CRMP1: variants seen among roughly 807,000 people sequenced by gnomAD.
CRMP1 encodes dihydropyrimidinase-related protein 1.
A neutral mutation model predicts 68.3 loss-of-function variants in CRMP1; 19 were observed. The ratio of observed to expected loss-of-function variants is 0.28; its 90% CI spans 0.19 to 0.41. The LOEUF is 0.41. Ranked by LOEUF, CRMP1 falls within the 10% of genes least tolerant of loss-of-function variation. CRMP1 has a pLI of 1.00. For missense variants in CRMP1, 791 were observed against 967.4 expected (o/e 0.82, Z 2.42); for synonymous variants, 439 against 399.6 (o/e 1.10, Z -1.18).
chr4:5,823,475 G>C (rs1719023625), intron 13 of CRMP1, among the ~76,000 whole-genome samples: 1 of 152,136 alleles, frequency 6.6e-6, no homozygotes, highest in Non-Finnish European at 1.5e-5. Flanking sequence ...TTGGACTTTT[G>C]TCCCCCAAAA....
At position 5,859,622 on chromosome 4, in the gene CRMP1, G is replaced by C. The variant is rs937750978; in HGVS notation, c.655+1404C>G. On this transcript the variant is annotated intron_variant, in intron 3 of 13. Transcript: ENST00000324989. The surrounding 1 kb of genome is among the most constrained non-coding windows in gnomAD (Gnocchi z 5.2). ...GCTGGCCACAGTCATGCAGTTGCCT[G>C]CTGAGTGCCAGTGCTCAGGTTCAAA... Among the ~76,000 whole-genome samples, 2 of 152,224 alleles carry C rather than the reference G, an allele frequency of 1.3e-5. No individual in the cohort carries two copies. Among genetic ancestry groups the C allele is most frequent in the African/African-American group, 4.8e-5 (2 of 41,468 alleles).
chr4:5,832,335 GA>G (rs1465160053), intron 11 of CRMP1, among the ~76,000 whole-genome samples: 1 of 152,138 alleles, frequency 6.6e-6, no homozygotes, highest in Non-Finnish European at 1.5e-5. Context: ...ATCTCGATAA[GA>G]AACTTAAAAA....
intron 1 of CRMP1, among the ~76,000 whole-genome samples, chr4:5,873,218 C>T (rs563672664): frequency 6.6e-6 from 1 of 152,306 alleles, no homozygotes; most frequent in South Asian, 2.1e-4. Flanking sequence ...AGCATGGAGG[C>T]AGCCTCCACA....
In CRMP1 at chr4:5,824,231, G is replaced by C. The variant is rs544107730; in HGVS notation, c.1969+1263C>G. The C allele has an allele frequency of 5.3e-6, 5 of 937,524 alleles. No individual in the cohort carries two copies. In the African/African-American group the frequency reaches 8.9e-5, roughly 17 times the overall value. The allele number at this position is 937,524 out of a possible 1,614,324, so 58.1% of individuals were successfully genotyped here. ...GAGAGCTTGTGTCTTGTTGCACCCAGATAGCTTTTTCCCAGGATGAAGCCA... is the reference window on the plus strand; with the variant it reads ...GAGAGCTTGTGTCTTGTTGCACCCACATAGCTTTTTCCCAGGATGAAGCCA... On this transcript the variant is annotated intron_variant, in intron 13 of 13. Coordinates refer to ENST00000324989, the MANE Select transcript of CRMP1 (RefSeq NM_001014809.3).
Position 5,842,810 on chromosome 4 carries a change from A to T in CRMP1, c.1032+283T>A, listed in dbSNP as rs111375856. 6.6e-6 allele frequency among the ~76,000 whole-genome samples: 1 copy of T among 152,012 alleles called. No individual in the cohort carries two copies. Among genetic ancestry groups the T allele is most frequent in the African/African-American group, 2.4e-5 (1 of 41,396 alleles). ...ATGCGGCTCCACTTTCCTATTATCCACTATGCCATGTCCTCCATGAGAATC... is the reference window on the plus strand; with the variant it reads ...ATGCGGCTCCACTTTCCTATTATCCTCTATGCCATGTCCTCCATGAGAATC... On this transcript the variant is annotated intron_variant, in intron 7 of 13. Transcript: ENST00000324989. This position sits in a 1 kb window ranked among gnomAD's most constrained non-coding sequence, Gnocchi z 4.5.
At position 5,850,693 on chromosome 4, in the gene CRMP1, C is replaced by G. The variant is rs1344221488; in HGVS notation, c.882+715G>C. ...CACAGAGAAGTTGGGAAAGCTGCCCCTGGCTGCAGAGCAAGCACCTGGCTT... is the reference window on the plus strand; with the variant it reads ...CACAGAGAAGTTGGGAAAGCTGCCCGTGGCTGCAGAGCAAGCACCTGGCTT... On this transcript the variant is annotated intron_variant, in intron 5 of 13. Transcript: ENST00000324989. This position sits in a 1 kb window ranked among gnomAD's most constrained non-coding sequence, Gnocchi z 4.4. Among the ~76,000 whole-genome samples, 1 of 152,198 alleles carries G rather than the reference C, an allele frequency of 6.6e-6. No homozygotes were observed. The highest frequency in any genetic ancestry group is 1.5e-5 in the Non-Finnish European group (1 of 68,036).
intron 11 of CRMP1, among the ~76,000 whole-genome samples, chr4:5,829,297 G>A (rs1168261478): frequency 1.3e-5 from 2 of 152,172 alleles, no homozygotes; most frequent in African/African-American, 4.8e-5. Flanking sequence ...GCTGAGGTAT[G>A]AGAACTGCTT....
chr4:5,850,262 C>A lies in CRMP1; in HGVS notation c.883-790G>T, dbSNP rs1324103739. On this transcript the variant is annotated intron_variant, in intron 5 of 13. Transcript: ENST00000324989. The surrounding 1 kb of genome is among the most constrained non-coding windows in gnomAD (Gnocchi z 4.4). ...AGGGAAGGCATGTGGAGGCATGAAG[C>A]ACTTTTGAGAACCTGCACGCAGAGG... Among the ~76,000 whole-genome samples, 1 of 152,216 alleles carries A rather than the reference C, an allele frequency of 6.6e-6. No individual in the cohort carries two copies. Among genetic ancestry groups the A allele is most frequent in the Non-Finnish European group, 1.5e-5 (1 of 68,042 alleles).
rs189271763 is a variant in CRMP1, at chr4:5,862,235, A to C, written c.471-1025T>G. On this transcript the variant is annotated intron_variant, in intron 2 of 13. Transcript: ENST00000324989. ...TAATAACCAATCCCTTATCCCCAGAATCTCCACTGCCGCTGCTTATACTAA... is the reference window on the plus strand; with the variant it reads ...TAATAACCAATCCCTTATCCCCAGACTCTCCACTGCCGCTGCTTATACTAA... Among the ~76,000 whole-genome samples the C allele has an allele frequency of 4.4e-3, 665 of 152,200 alleles. 5 individuals carry two copies. The highest frequency in any genetic ancestry group is 0.015 in the African/African-American group (624 of 41,526).
chr4:5,846,575 A>G (rs1272997628), intron 6 of CRMP1, among the ~76,000 whole-genome samples: 1 of 149,448 alleles, frequency 6.7e-6, no homozygotes, highest in Non-Finnish European at 1.5e-5. Context: ...TGATGTGAAA[A>G]GAAGCAGTTG....
chr4:5,851,434 C>T lies in CRMP1; in HGVS notation c.856G>A (p.Asp286Asn), dbSNP rs1340451216. The T allele has an allele frequency of 5.6e-6, 9 of 1,614,154 alleles. No individual in the cohort carries two copies. Among genetic ancestry groups the T allele is most frequent in the Non-Finnish European group, 7.6e-6 (9 of 1,180,018 alleles). ...TGGCTGTCGGACATTTGGTAGACAT[C>T]CTTATAGGCCATGTAGACTTGGAAG... ...NSFQVYMAYK[D>N]VYQMSDSQLY... is the part of the protein sequence containing the mutation. The change falls in exon 5 of 14, where the codon GAT becomes AAT. Residue 286 changes from aspartate (D) to asparagine (N), a missense_variant. By Grantham distance (23) the Asp-to-Asn change is conservative. This residue lies in a region of CRMP1 where 594 missense variants were observed against 763.6 expected (regional missense o/e 0.78). Coordinates refer to ENST00000324989, the MANE Select transcript of CRMP1 (RefSeq NM_001014809.3).
At chr4:5,827,815 G>A (rs962205098) in intron 12 of CRMP1, among the ~76,000 whole-genome samples, 1 of 152,148 alleles carries the variant, frequency 6.6e-6, no homozygotes, top group Non-Finnish European at 1.5e-5. Flanking sequence ...CCATGGGGAT[G>A]GGAGGGCCTG....
chr4:5,886,819 T>C (rs540545066), intron 1 of CRMP1, among the ~76,000 whole-genome samples: 1 of 152,168 alleles, frequency 6.6e-6, no homozygotes, highest in East Asian at 1.9e-4. Context: ...GAAGCAACCA[T>C]ATGTGTTCTA....
At chr4:5,869,610 G>A (rs1345093371) in intron 1 of CRMP1, among the ~76,000 whole-genome samples, 1 of 150,066 alleles carries the variant, frequency 6.7e-6, no homozygotes, top group Non-Finnish European at 1.5e-5. Flanking sequence ...CATGAACCCG[G>A]AACGCAGAGC....
chr4:5,839,208 A>G (rs1553904146), intron 9 of CRMP1, among the ~76,000 whole-genome samples: 1 of 152,216 alleles, frequency 6.6e-6, no homozygotes, highest in Non-Finnish European at 1.5e-5. Context: ...CCGGGGTGAC[A>G]CAGCCTTGTC....
chr4:5,868,357 A>G (rs1237522686), intron 1 of CRMP1, among the ~76,000 whole-genome samples: 1 of 146,920 alleles, frequency 6.8e-6, no homozygotes, highest in Non-Finnish European at 1.5e-5. Flanking sequence ...GCTGGAGTGC[A>G]GTGGCACGAT....
Position 5,825,968 on chromosome 4 carries a change from TAACAA to T in CRMP1, c.1804-314_1804-310del, listed in dbSNP as rs141296579. The T allele has an allele frequency of 0.017, 7,038 of 423,136 alleles. 110 individuals carry two copies. The highest frequency in any genetic ancestry group is 0.037 in the South Asian group (1,314 of 35,354). The allele number at this position is 423,136 out of a possible 1,614,324, so 26.2% of individuals were successfully genotyped here. On this transcript the variant is annotated intron_variant, in intron 12 of 13. Transcript: ENST00000324989. The surrounding 1 kb of genome is among the most constrained non-coding windows in gnomAD (Gnocchi z 4.4). Reference sequence around the variant, plus strand: ...CACACATATATGCATGCACATGCAGTAACAAAACAGGCCTACACAGTAGCATACAC... The same window carrying T: ...CACACATATATGCATGCACATGCAGTAACAGGCCTACACAGTAGCATACAC...
intron 8 of CRMP1, among the ~76,000 whole-genome samples, chr4:5,839,912 ACT>A (rs1711584363): frequency 6.6e-6 from 1 of 152,120 alleles, no homozygotes; most frequent in South Asian, 2.1e-4. Flanking sequence ...ACGGCAGCTG[ACT>A]CACCCAGCAA....
intron 9 of CRMP1, 72 bp downstream of exon 9, chr4:5,839,450 T>G: frequency 6.5e-7 from 1 of 1,530,634 alleles, no homozygotes; most frequent in Non-Finnish European, 8.8e-7. Context: ...AGCCTGCGGA[T>G]TCCCACCATT....
Sources: allele counts gnomAD v4.1 joint callset (sites outside exome capture counted in the v4.1 genomes callset), GRCh38; gene constraint gnomAD v4.1.1; regional missense constraint gnomAD v4.1.1; non-coding constraint Gnocchi (gnomAD v3.1); transcripts MANE v1.5; gene names NCBI Gene and HGNC (gene_info 2026-07-23, HGNC 2026-07-21).